COL5A2: variants seen among roughly 807,000 people sequenced by gnomAD.
COL5A2 encodes collagen type V alpha 2 chain, also known as collagen alpha-2(V) chain.
A neutral mutation model predicts 208.2 loss-of-function variants in COL5A2; 23 were observed. The observed-to-expected ratio is 0.11, with a 90% confidence interval of 0.08 to 0.16. The LOEUF is 0.16. COL5A2 is among the 10% of genes least tolerant of loss of function. COL5A2 has a pLI of 1.00. For synonymous variants in COL5A2, 625 were observed against 628.5 expected (o/e 0.99, Z 0.08); for missense variants, 1,590 against 1,956.4 (o/e 0.81, Z 3.53).
At chr2:189,246,881 G>A in the COL5A2 span, among the ~76,000 whole-genome samples, 3 of 152,222 alleles carry the variant, frequency 2.0e-5, no homozygotes, top group African/African-American at 7.2e-5. Flanking sequence ...CCTCTGGACT[G>A]AGGAGAGCTG....
At chr2:189,298,403 C>CA in the COL5A2 span, among the ~76,000 whole-genome samples, 1 of 152,180 alleles carries the variant, frequency 6.6e-6, no homozygotes, top group Admixed American at 6.5e-5. Context: ...AGGTCAACCT[C>CA]ATTCTCCAAT....
intron 53 of COL5A2, 49 bp from the exon 54 acceptor site, chr2:189,034,265 A>G: frequency 6.2e-7 from 1 of 1,605,566 alleles, no homozygotes; most frequent in African/African-American, 1.3e-5. Context: ...ATTTTTTCCA[A>G]GTATGTTAGA....
the COL5A2 span, among the ~76,000 whole-genome samples, chr2:189,387,533 T>C: frequency 6.6e-6 from 1 of 152,272 alleles, no homozygotes; most frequent in East Asian, 1.9e-4. Context: ...TTATTCATGA[T>C]GTGTTATTCT....
At chr2:189,204,559 C>T (rs568449418) in intron 1 of COL5A2, among the ~76,000 whole-genome samples, 95 of 152,304 alleles carry the variant, frequency 6.2e-4, no homozygotes, top group African/African-American at 2.1e-3. Context: ...CATACACTTT[C>T]GAACTAATGA....
the COL5A2 span, among the ~76,000 whole-genome samples, chr2:189,304,287 T>G: frequency 6.6e-6 from 1 of 152,218 alleles, no homozygotes; most frequent in Non-Finnish European, 1.5e-5. Flanking sequence ...TCTCATTTTT[T>G]TACCTTGTCA....
At chr2:189,320,583 G>A in the COL5A2 span, among the ~76,000 whole-genome samples, 1 of 152,146 alleles carries the variant, frequency 6.6e-6, no homozygotes, top group Non-Finnish European at 1.5e-5. Context: ...AAGATCAAAT[G>A]AATGAAATAA....
At chr2:189,388,129 G>A in the COL5A2 span, among the ~76,000 whole-genome samples, 122 of 152,198 alleles carry the variant, frequency 8.0e-4, no homozygotes, top group Middle Eastern at 6.8e-3. Context: ...ATATGTACAC[G>A]TTCAACCTGT....
chr2:189,151,051 G>C (rs144344379), intron 1 of COL5A2, among the ~76,000 whole-genome samples: 1 of 152,222 alleles, frequency 6.6e-6, no homozygotes, highest in Admixed American at 6.5e-5. Flanking sequence ...TGGATTACCT[G>C]GCAGCCAAAA....
intron 1 of COL5A2, among the ~76,000 whole-genome samples, chr2:189,124,451 C>T (rs144754867): frequency 9.9e-5 from 15 of 152,088 alleles, no homozygotes; most frequent in East Asian, 1.9e-4. Context: ...GTTTATAGGG[C>T]GCAGGAAATG....
the COL5A2 span, among the ~76,000 whole-genome samples, chr2:189,428,877 T>A: frequency 6.6e-6 from 1 of 152,188 alleles, no homozygotes; most frequent in South Asian, 2.1e-4. Flanking sequence ...CCACATGATC[T>A]CACTCATAAT....
chr2:189,430,761 T>C, the COL5A2 span, among the ~76,000 whole-genome samples: 22 of 152,340 alleles, frequency 1.4e-4, no homozygotes, highest in African/African-American at 5.0e-4. Flanking sequence ...GGGCAGGGCA[T>C]AGCTGAACAA....
At chr2:189,173,970 C>T (rs1020810606) in intron 1 of COL5A2, among the ~76,000 whole-genome samples, 4 of 152,098 alleles carry the variant, frequency 2.6e-5, no homozygotes, top group Admixed American at 6.6e-5. Context: ...GAAGAAAATC[C>T]GATTAAAGAT....
chr2:189,203,597 T>C (rs569074658), intron 1 of COL5A2, among the ~76,000 whole-genome samples: 28 of 152,364 alleles, frequency 1.8e-4, no homozygotes, highest in African/African-American at 6.3e-4. Context: ...TGTAATGCAA[T>C]ACTTCCAGTT....
chr2:189,391,079 T>C, the COL5A2 span, among the ~76,000 whole-genome samples: 2 of 152,214 alleles, frequency 1.3e-5, no homozygotes, highest in African/African-American at 4.8e-5. Flanking sequence ...GGGAAACTTG[T>C]GATTTTTAAT....
At chr2:189,107,945 C>A (rs1252154086) in intron 2 of COL5A2, among the ~76,000 whole-genome samples, 1 of 151,476 alleles carries the variant, frequency 6.6e-6, no homozygotes, top group South Asian at 2.1e-4. Flanking sequence ...TCCATTTTAA[C>A]AAGGAAATGT....
At chr2:189,262,388 T>C in the COL5A2 span, among the ~76,000 whole-genome samples, 17 of 151,346 alleles carry the variant, frequency 1.1e-4, no homozygotes, top group African/African-American at 4.8e-5. Context: ...CACACACACA[T>C]ACACACTAGT....
At chr2:189,066,707 C>T (rs371868362) in intron 22 of COL5A2, 22 bp downstream of exon 22, 1 of 1,593,650 alleles carries the variant, frequency 6.3e-7, no homozygotes, top group Non-Finnish European at 8.6e-7. Context: ...TTCTACTTAT[C>T]ATTAAAACAA....
chr2:189,326,913 A>C, the COL5A2 span, among the ~76,000 whole-genome samples: 1 of 151,890 alleles, frequency 6.6e-6, no homozygotes. Flanking sequence ...TCTACTAAAA[A>C]TACAAAAATT....
chr2:189,103,921 C>T (rs1351884145), intron 3 of COL5A2, among the ~76,000 whole-genome samples: 1 of 151,868 alleles, frequency 6.6e-6, no homozygotes, highest in Non-Finnish European at 1.5e-5. Flanking sequence ...TTCTTTCTTC[C>T]ATCAAATGTG....
Sources: allele counts gnomAD v4.1 joint callset (sites outside exome capture counted in the v4.1 genomes callset), GRCh38; gene constraint gnomAD v4.1.1; transcripts MANE v1.5; gene names NCBI Gene and HGNC (gene_info 2026-07-23, HGNC 2026-07-21).